GPR39: variants seen among roughly 807,000 people sequenced by gnomAD.
GPR39 encodes zinc sensing receptor.
A neutral mutation model predicts 18.4 loss-of-function variants in GPR39; 23 were observed. That is an observed-to-expected ratio of 1.25 (90% CI 0.90 to 1.77). The LOEUF (loss-of-function observed/expected upper bound fraction) is 1.77. Among genes scored for constraint, GPR39 ranks in the 40% most tolerant of loss-of-function variants. The pLI, the probability that GPR39 is intolerant of heterozygous loss-of-function variation, is 0.00. For synonymous variants in GPR39, 280 were observed against 257.9 expected, an observed-to-expected ratio of 1.09 and a Z score of -0.82; for missense variants, 647 against 602.4, an observed-to-expected ratio of 1.07 and a Z score of -0.78.
rs150790404 is a variant in GPR39, at chr2:132,616,945, G to C, written c.857-28156G>C. 1.7e-3 allele frequency among the ~76,000 whole-genome samples: 259 copies of C among 152,294 alleles called. 3 individuals carry two copies. The highest frequency in any genetic ancestry group is 5.9e-3 in the African/African-American group (245 of 41,554). On this transcript the variant is annotated intron_variant, in intron 1 of 1. Transcript: ENST00000329321. ...GATGCTCCTTCCTCCAGAAGTTTCTGTACACAAACACAAATGCACCAACAC... is the reference window on the plus strand; with the variant it reads ...GATGCTCCTTCCTCCAGAAGTTTCTCTACACAAACACAAATGCACCAACAC...
At chr2:132,546,374 C>A (rs1679949368) in intron 1 of GPR39, among the ~76,000 whole-genome samples, 1 of 152,252 alleles carries the variant, frequency 6.6e-6, no homozygotes, top group Non-Finnish European at 1.5e-5. Flanking sequence ...ATAGTAGGGA[C>A]AAGAACTGGA....
intron 1 of GPR39, among the ~76,000 whole-genome samples, chr2:132,440,267 T>C (rs555856532): frequency 6.6e-6 from 1 of 152,322 alleles, no homozygotes; most frequent in African/African-American, 2.4e-5. Flanking sequence ...TTAATTGCAG[T>C]GAGTTCTATT....
intron 1 of GPR39, among the ~76,000 whole-genome samples, chr2:132,418,129 C>T (rs1257388208): frequency 6.6e-6 from 1 of 152,174 alleles, no homozygotes; most frequent in East Asian, 1.9e-4. Flanking sequence ...AGCACGAGAC[C>T]AGAACCCAGA....
rs1573664786 is a variant in GPR39 at position 132,555,855 on chromosome 2, A to G, written c.857-89246A>G. ...GTGAATATAACATATACATGGTAAG[A>G]GGTGAAAGTGTGTTTGTTTTACTTT... On this transcript the variant is annotated intron_variant, in intron 1 of 1. Transcript: ENST00000329321. Among the ~76,000 whole-genome samples the G allele has an allele frequency of 2.6e-5, 4 of 152,190 alleles. No individual in the cohort carries two copies. The South Asian group carries it at 8.3e-4, about 32-fold the overall frequency.
chr2:132,527,849 T>C (rs904276758), intron 1 of GPR39, among the ~76,000 whole-genome samples: 1 of 152,128 alleles, frequency 6.6e-6, no homozygotes, highest in African/African-American at 2.4e-5. Flanking sequence ...CTTTGTCAGA[T>C]GAGTAGATTG....
At chr2:132,522,153 C>T (rs751246759) in intron 1 of GPR39, among the ~76,000 whole-genome samples, 32 of 152,178 alleles carry the variant, frequency 2.1e-4, no homozygotes, top group Non-Finnish European at 3.5e-4. Context: ...CTTAGCCTTC[C>T]GGTCAGCCCC....
chr2:132,442,412 T>C (rs1026733681), intron 1 of GPR39, among the ~76,000 whole-genome samples: 9 of 152,002 alleles, frequency 5.9e-5, no homozygotes, highest in Admixed American at 1.3e-4. Flanking sequence ...GGAGGGGGGC[T>C]CCTTTCCTGT....
At chr2:132,620,231 G>A (rs993037194) in intron 1 of GPR39, among the ~76,000 whole-genome samples, 5 of 152,136 alleles carry the variant, frequency 3.3e-5, no homozygotes, top group African/African-American at 7.2e-5. Context: ...AGTTCCCTCC[G>A]GAGGCAGGAG....
intron 1 of GPR39, among the ~76,000 whole-genome samples, chr2:132,591,993 A>G (rs1434532427): frequency 6.6e-6 from 1 of 152,202 alleles, no homozygotes; most frequent in Non-Finnish European, 1.5e-5. Flanking sequence ...AACAATGAAT[A>G]AGAACCAAAT....
intron 1 of GPR39, among the ~76,000 whole-genome samples, chr2:132,599,358 AG>A (rs1681001408): frequency 6.6e-6 from 1 of 152,132 alleles, no homozygotes; most frequent in South Asian, 2.1e-4. Context: ...GTTTTCCAGA[AG>A]AGGGGTGGGG....
At chr2:132,568,830 C>T (rs2104812220) in intron 1 of GPR39, among the ~76,000 whole-genome samples, 1 of 152,206 alleles carries the variant, frequency 6.6e-6, no homozygotes, top group African/African-American at 2.4e-5. Context: ...GCACCTTCTG[C>T]TGGGTGTAAA....
intron 1 of GPR39, among the ~76,000 whole-genome samples, chr2:132,494,519 C>T (rs1327687309): frequency 1.3e-5 from 2 of 152,154 alleles, no homozygotes; most frequent in Non-Finnish European, 2.9e-5. Context: ...GGAGAATTTT[C>T]GCTCAGGCCT....
At chr2:132,514,992 T>TAAA (rs1679306221) in intron 1 of GPR39, among the ~76,000 whole-genome samples, 1 of 152,156 alleles carries the variant, frequency 6.6e-6, no homozygotes, top group South Asian at 2.1e-4. Context: ...AAATGCACAG[T>TAAA]GAAAAAAACA....
At chr2:132,626,648 T>C (rs1681549248) in intron 1 of GPR39, among the ~76,000 whole-genome samples, 3 of 152,200 alleles carry the variant, frequency 2.0e-5, no homozygotes, top group African/African-American at 4.8e-5. Flanking sequence ...GTGAGTGGTA[T>C]TGAATAGTCT....
chr2:132,522,854 T>C (rs1679449555), intron 1 of GPR39, among the ~76,000 whole-genome samples: 1 of 152,198 alleles, frequency 6.6e-6, no homozygotes, highest in Non-Finnish European at 1.5e-5. Context: ...TGAGAATAGA[T>C]ATAAATGCAA....
intron 1 of GPR39, among the ~76,000 whole-genome samples, chr2:132,463,894 G>A (rs1256290170): frequency 6.6e-6 from 1 of 152,216 alleles, no homozygotes; most frequent in Non-Finnish European, 1.5e-5. Context: ...AGTTGGTGCA[G>A]GCTGCAGGCT....
chr2:132,507,566 T>A (rs1679157362), intron 1 of GPR39, among the ~76,000 whole-genome samples: 1 of 151,878 alleles, frequency 6.6e-6, no homozygotes, highest in Admixed American at 6.6e-5. Flanking sequence ...ACCTCAGGAG[T>A]CTACATTGCA....
chr2:132,531,042 A>G (rs1270719522), intron 1 of GPR39, among the ~76,000 whole-genome samples: 1 of 152,236 alleles, frequency 6.6e-6, no homozygotes, highest in Non-Finnish European at 1.5e-5. Context: ...TGCTCCAATT[A>G]AAAGACACAG....
At chr2:132,462,082 A>G (rs371509505) in intron 1 of GPR39, among the ~76,000 whole-genome samples, 8 of 152,210 alleles carry the variant, frequency 5.3e-5, no homozygotes, top group Non-Finnish European at 1.0e-4. Flanking sequence ...AGCCCTGCTC[A>G]TGAGGGAGGG....
Sources: allele counts gnomAD v4.1 joint callset (sites outside exome capture counted in the v4.1 genomes callset), GRCh38; gene constraint gnomAD v4.1.1; transcripts MANE v1.5; gene names NCBI Gene and HGNC (gene_info 2026-07-23, HGNC 2026-07-21).